The following ADAMTSL1 variants were observed in gnomAD, a reference collection of about 807,000 sequenced individuals.
ADAMTSL1 encodes ADAMTS-like protein 1.
ADAMTSL1 carries 126 observed loss-of-function variants against 201.8 expected under a neutral mutation model. The observed-to-expected ratio is 0.62, with a 90% CI of 0.54 to 0.72. ADAMTSL1 has a LOEUF of 0.72. ADAMTSL1 is among the 30% of genes least tolerant of loss of function. ADAMTSL1 has a pLI of 0.00. For synonymous variants in ADAMTSL1, 1,121 were observed against 903.4 expected, an observed-to-expected ratio of 1.24 and a Z score of -4.32; for missense variants, 2,679 against 2,277.8, an observed-to-expected ratio of 1.18 and a Z score of -3.59.
intron 2 of ADAMTSL1, among the ~76,000 whole-genome samples, chr9:18,316,394 C>T (rs1324587434): frequency 6.6e-6 from 1 of 152,068 alleles, no homozygotes; most frequent in African/African-American, 2.4e-5. Context: ...TTCACCCCTG[C>T]AGTCTTGACC....
chr9:18,071,480 G>A (rs1265380974), intron 1 of ADAMTSL1, among the ~76,000 whole-genome samples: 1 of 152,158 alleles, frequency 6.6e-6, no homozygotes, highest in African/African-American at 2.4e-5. Flanking sequence ...TTAGTAAGTG[G>A]TTATGTTATT....
At chr9:18,413,738 G>T (rs914237893) in intron 2 of ADAMTSL1, among the ~76,000 whole-genome samples, 1 of 152,090 alleles carries the variant, frequency 6.6e-6, no homozygotes, top group Non-Finnish European at 1.5e-5. Flanking sequence ...AATTGTTGTA[G>T]CTTCAAAGTC....
chr9:18,893,408 C>G (rs571458355), intron 26 of ADAMTSL1, among the ~76,000 whole-genome samples: 1 of 152,300 alleles, frequency 6.6e-6, no homozygotes, highest in East Asian at 1.9e-4. Flanking sequence ...ATACATAGGT[C>G]TTGCTCCCTT....
At position 18,576,121 on chromosome 9, in the gene ADAMTSL1, A is replaced by G. The variant is rs185378021; in HGVS notation, c.474+1855A>G. 1.1e-4 allele frequency among the ~76,000 whole-genome samples: 17 copies of G among 152,244 alleles called. 1 individual carries two copies. The highest frequency in any genetic ancestry group is 1.0e-3 in the Admixed American group (16 of 15,280). On this transcript the variant is annotated intron_variant, in intron 4 of 28. Transcript: ENST00000380548. ...GAGTATGACAGATTTGAGAGCAAAT[A>G]CGGTATAATTTGTAAATTATACCGT...
intron 1 of ADAMTSL1, among the ~76,000 whole-genome samples, chr9:18,126,130 C>A (rs1016089542): frequency 1.3e-5 from 2 of 152,168 alleles, no homozygotes; most frequent in African/African-American, 4.8e-5. Context: ...AACTATTTCA[C>A]AAGATTCTGG....
chr9:18,379,378 C>T (rs956466338), intron 2 of ADAMTSL1, among the ~76,000 whole-genome samples: 2 of 152,224 alleles, frequency 1.3e-5, no homozygotes, highest in South Asian at 4.1e-4. Flanking sequence ...TTGAAGTAAC[C>T]TGATATTAAG....
intron 2 of ADAMTSL1, among the ~76,000 whole-genome samples, chr9:18,428,340 T>C (rs1819321798): frequency 6.8e-6 from 1 of 146,636 alleles, no homozygotes; most frequent in African/African-American, 2.5e-5. Flanking sequence ...CTCACATCTA[T>C]AAATTCCAGC....
In ADAMTSL1 at chr9:18,196,040, T is replaced by C. The variant is rs148066052; in HGVS notation, c.207+32059T>C. Among the ~76,000 whole-genome samples the C allele has an allele frequency of 4.2e-3, 637 of 152,284 alleles. 2 individuals are homozygous for C. Among genetic ancestry groups the C allele is most frequent in the Middle Eastern group, 0.031 (9 of 294 alleles). On this transcript the variant is annotated intron_variant, in intron 2 of 29. Transcript: ENST00000680146. The stretch of plus-strand genomic sequence containing the variant: ...TGTTAGGACTGGTCAAATAAGTTTG[T>C]ATATTTTAGAACATTGTGCCATTCC...
chr9:18,241,695 C>A (rs1310407971), intron 2 of ADAMTSL1, among the ~76,000 whole-genome samples: 1 of 151,952 alleles, frequency 6.6e-6, no homozygotes, highest in Non-Finnish European at 1.5e-5. Context: ...GAAGTTACAA[C>A]AGATGCCTTA....
chr9:18,904,017 G>T (rs142184079), intron 26 of ADAMTSL1, among the ~76,000 whole-genome samples: 26 of 151,894 alleles, frequency 1.7e-4, no homozygotes, highest in African/African-American at 5.6e-4. Context: ...GGAGTGCAGT[G>T]GCTATTCACA....
chr9:18,833,515 G>A (rs924747758), intron 23 of ADAMTSL1, among the ~76,000 whole-genome samples: 51 of 152,122 alleles, frequency 3.4e-4, no homozygotes, highest in South Asian at 2.1e-4. Context: ...TTTGAAAAGC[G>A]TATGTTCACA....
intron 5 of ADAMTSL1, among the ~76,000 whole-genome samples, chr9:18,635,723 A>C (rs1445431171): frequency 6.6e-6 from 1 of 152,204 alleles, no homozygotes; most frequent in African/African-American, 2.4e-5. Context: ...ATTTTTTAAA[A>C]GGCCAAATCC....
intron 2 of ADAMTSL1, among the ~76,000 whole-genome samples, chr9:18,320,289 T>G (rs574000544): frequency 6.6e-6 from 1 of 152,342 alleles, no homozygotes; most frequent in Non-Finnish European, 1.5e-5. Flanking sequence ...TTGTGTTGTT[T>G]TAAGCCACTA....
chr9:18,550,886 C>T (rs1451736143), intron 3 of ADAMTSL1, among the ~76,000 whole-genome samples: 2 of 151,788 alleles, frequency 1.3e-5, no homozygotes, highest in Non-Finnish European at 2.9e-5. Flanking sequence ...GCTAAGATCC[C>T]TCTTGTATTT....
chr9:18,876,296 G>GAAT (rs1828142953), intron 23 of ADAMTSL1, among the ~76,000 whole-genome samples: 1 of 146,026 alleles, frequency 6.8e-6, no homozygotes, highest in Non-Finnish European at 1.5e-5. Context: ...GTTGTTGCCT[G>GAAT]AATACGTGTG....
chr9:18,845,436 G>T (rs2131343151), intron 23 of ADAMTSL1, among the ~76,000 whole-genome samples: 1 of 152,334 alleles, frequency 6.6e-6, no homozygotes, highest in African/African-American at 2.4e-5. Flanking sequence ...GGCTCAAGGG[G>T]GCACAGCCAA....
At chr9:18,290,785 T>TTTTTTG (rs1563862875) in intron 2 of ADAMTSL1, among the ~76,000 whole-genome samples, 5 of 70,860 alleles carry the variant, frequency 7.1e-5, no homozygotes, top group Non-Finnish European at 1.3e-4. Flanking sequence ...TTGTGTGTTT[T>TTTTTTG]TTTTTTTTTT....
Position 18,639,314 on chromosome 9 carries a change from C to G in ADAMTSL1, c.737C>G (p.Thr246Ser), listed in dbSNP as rs373533093. Residue 246 changes from threonine (T) to serine (S), a missense_variant, in exon 7 of 29, where the codon ACT (threonine) becomes AGT (serine). Thr to Ser is a moderately conservative substitution (Grantham distance 58). Transcript: ENST00000380548. ...KGENSLSSTGTFLVDNSSVDF... is the reference protein window; with the variant it reads ...KGENSLSSTGSFLVDNSSVDF... ...GAAAACAGTCTCAGCTCCACAGGAACTTTCCTTGTGGACAATTCTAGTGTG... is the reference window on the plus strand; with the variant it reads ...GAAAACAGTCTCAGCTCCACAGGAAGTTTCCTTGTGGACAATTCTAGTGTG... 1.9e-5 allele frequency: 30 copies of G among 1,612,920 alleles called. No homozygotes were observed. Among genetic ancestry groups the G allele is most frequent in the Non-Finnish European group, 2.1e-5 (25 of 1,179,328 alleles).
At chr9:18,309,912 G>C (rs980942684) in intron 2 of ADAMTSL1, among the ~76,000 whole-genome samples, 3 of 151,834 alleles carry the variant, frequency 2.0e-5, no homozygotes, top group Admixed American at 6.6e-5. Context: ...AAAGGTGGAG[G>C]CATCATGCTA....
Sources: gnomAD v4.1 joint callset for allele counts (sites outside exome capture counted in the v4.1 genomes callset) on GRCh38, gnomAD v4.1.1 for gene constraint, MANE v1.5 for transcripts, NCBI Gene and HGNC (gene_info 2026-07-23, HGNC 2026-07-21) for gene names.